Variants in ZNF462 observed in about 807,000 individuals in gnomAD.
ZNF462 encodes zinc finger protein 462, also known as zinc finger PBX1-interacting protein.
ZNF462 carries 10 observed loss-of-function variants against 201.9 expected under a neutral mutation model. The ratio of observed to expected loss-of-function variants is 0.05; its 90% CI spans 0.03 to 0.08. The LOEUF is 0.08. Ranked by LOEUF, ZNF462 falls within the 10% of genes least tolerant of loss-of-function variation. The pLI is 1.00. For missense variants in ZNF462, 2,523 were observed against 3,168.3 expected (o/e 0.80, Z 4.89); for synonymous variants, 1,227 against 1,193.3 (o/e 1.03, Z -0.58).
chr9:106,994,879 CCTTT>C (rs1247032576), intron 10 of ZNF462, among the ~76,000 whole-genome samples: 2 of 152,158 alleles, frequency 1.3e-5, no homozygotes, highest in Non-Finnish European at 2.9e-5. Flanking sequence ...TTTTCTCTTT[CCTTT>C]CTTAAGGCAG....
intron 7 of ZNF462, among the ~76,000 whole-genome samples, chr9:106,967,836 A>C (rs1402226186): frequency 6.6e-6 from 1 of 152,094 alleles, no homozygotes; most frequent in African/African-American, 2.4e-5. Context: ...TATTTTGTTT[A>C]TATAAGCATT....
chr9:107,000,862 T>C (rs1829134279), intron 10 of ZNF462, among the ~76,000 whole-genome samples: 1 of 152,076 alleles, frequency 6.6e-6, no homozygotes, highest in African/African-American at 2.4e-5. Context: ...TCTCCTTCTG[T>C]CACCAAGAGC....
intron 1 of ZNF462, among the ~76,000 whole-genome samples, chr9:106,921,463 T>C (rs1350224809): frequency 6.6e-6 from 1 of 152,206 alleles, no homozygotes; most frequent in East Asian, 1.9e-4. Context: ...AGAAGCCATG[T>C]TGTGCACGGA....
At position 106,974,345 on chromosome 9, in the gene ZNF462, C is replaced by G. The variant is rs41277831; in HGVS notation, c.6832+72C>G. 2.5e-6 allele frequency: 4 copies of G among 1,604,596 alleles called. No individual in the cohort carries two copies. The African/African-American group carries it at 4.0e-5, about 16-fold the overall frequency. ...GCAGAGATGGCCTTCTAGGGATGCT[C>G]TCTCAGAGTGGCAGTAGCACCTGTG... On this transcript the variant is annotated intron_variant, in intron 9 of 12. Transcript: ENST00000277225. This position sits in a 1 kb window ranked among gnomAD's most constrained non-coding sequence, Gnocchi z 4.0.
intron 7 of ZNF462, among the ~76,000 whole-genome samples, chr9:106,958,419 T>G (rs892941382): frequency 1.3e-5 from 2 of 152,156 alleles, no homozygotes; most frequent in African/African-American, 4.8e-5. Context: ...GCACTGTAGC[T>G]ACACTGAATA....
chr9:106,960,389 C>T (rs192006587), intron 7 of ZNF462, among the ~76,000 whole-genome samples: 13 of 152,264 alleles, frequency 8.5e-5, no homozygotes, highest in Admixed American at 3.3e-4. Context: ...GCCTTGCCCA[C>T]GGCCTGTGAG....
chr9:106,938,105 G>C lies in ZNF462; in HGVS notation c.6236-811G>C, dbSNP rs1564118185. Among the ~76,000 whole-genome samples the C allele has an allele frequency of 6.6e-6, 1 of 152,122 alleles. No individual in the cohort carries two copies. The highest frequency in any genetic ancestry group is 1.5e-5 in the Non-Finnish European group (1 of 68,020). On this transcript the variant is annotated intron_variant, in intron 6 of 12. Coordinates refer to ENST00000277225, the MANE Select transcript of ZNF462 (RefSeq NM_021224.6). This position sits in a 1 kb window ranked among gnomAD's most constrained non-coding sequence, Gnocchi z 4.4. ...AATTTAACAGGTAATATATGGCGAA[G>C]GTAAATCACACTTTAACTTAATTTG...
chr9:106,909,539 A>T (rs970401793), intron 1 of ZNF462, among the ~76,000 whole-genome samples: 18 of 152,184 alleles, frequency 1.2e-4, no homozygotes, highest in African/African-American at 3.9e-4. Flanking sequence ...AGTTACTTAC[A>T]TGCTGCATTC....
chr9:106,870,805 G>A lies in ZNF462; in HGVS notation c.-31+7450G>A, dbSNP rs562260873. 6.6e-6 allele frequency among the ~76,000 whole-genome samples: 1 copy of A among 152,308 alleles called. No homozygotes were observed. Among genetic ancestry groups the A allele is most frequent in the South Asian group, 2.1e-4 (1 of 4,820 alleles). On this transcript the variant is annotated intron_variant, in intron 1 of 12. Transcript: ENST00000277225. This position sits in a 1 kb window ranked among gnomAD's most constrained non-coding sequence, Gnocchi z 4.3. ...GCCCAGGATTTGTGGAGAGAGCTTA[G>A]CCGCCACAGAGCCCAGCTGGGGAAG...
At chr9:106,916,529 C>CGT (rs1829781401) in intron 1 of ZNF462, among the ~76,000 whole-genome samples, 1 of 152,146 alleles carries the variant, frequency 6.6e-6, no homozygotes, top group Non-Finnish European at 1.5e-5. Flanking sequence ...AAAGCAACAC[C>CGT]GTGATTTTCT....
chr9:107,008,134 C>T lies in ZNF462; in HGVS notation c.7190-1411C>T, dbSNP rs1419810055. 6.6e-6 allele frequency among the ~76,000 whole-genome samples: 1 copy of T among 152,032 alleles called. No individual in the cohort carries two copies. Among genetic ancestry groups the T allele is most frequent in the Non-Finnish European group, 1.5e-5 (1 of 68,000 alleles). ...ATTAACCCAAGCAGAATCCTCCCCA[C>T]CCCCCTCTCATTATGCAGTTGGGGA... On this transcript the variant is annotated intron_variant, in intron 11 of 12. Coordinates refer to ENST00000277225, the MANE Select transcript of ZNF462 (RefSeq NM_021224.6). This position sits in a 1 kb window ranked among gnomAD's most constrained non-coding sequence, Gnocchi z 4.8.
Position 106,923,571 on chromosome 9 carries a change from A to T in ZNF462, c.188A>T (p.Lys63Met). Residue 63 changes from lysine to methionine, a missense_variant, in exon 2 of 13, where the codon AAG (lysine) becomes ATG (methionine). Coordinates refer to ENST00000277225, the MANE Select transcript of ZNF462 (RefSeq NM_021224.6). This position sits in a 1 kb window ranked among gnomAD's most constrained non-coding sequence, Gnocchi z 5.6. The stretch of plus-strand genomic sequence containing the variant: ...ACAGAGGTGGAGTTTTCTTCTATAA[A>T]GGATGAATTTGCCATTGCAGAAGAT... ...NQTEVEFSSIKDEFAIAEDLS... is the reference protein window; with the variant it reads ...NQTEVEFSSIMDEFAIAEDLS... 1 of 1,614,244 alleles carries T rather than the reference A, an allele frequency of 6.2e-7. No individual in the cohort carries two copies. Among genetic ancestry groups the T allele is most frequent in the Non-Finnish European group, 8.5e-7 (1 of 1,180,050 alleles).
intron 5 of ZNF462, among the ~76,000 whole-genome samples, chr9:106,934,262 G>C (rs1169319621): frequency 6.7e-6 from 1 of 149,700 alleles, no homozygotes; most frequent in Non-Finnish European, 1.5e-5. Flanking sequence ...TTTTATCCCA[G>C]GTAGTCTGAC....
At chr9:106,864,039 G>GCGCTCTCTCTCT (rs1564062266) in intron 1 of ZNF462, among the ~76,000 whole-genome samples, 5 of 22,760 alleles carry the variant, frequency 2.2e-4, no homozygotes, top group South Asian at 1.6e-3. Context: ...CAGGTATTTG[G>GCGCTCTCTCTCT]CTCTCTCTCT....
chr9:107,012,439 C>CTTTTTTTTTT lies in ZNF462; in HGVS notation c.*1425_*1434dup, dbSNP rs962253808. Reference sequence around the variant, plus strand: ...GCCTGGAGAACTACTTTCTTTCTTTCTTTTTTTTTTTTTTTTTTTTTTTTT... The same window carrying CTTTTTTTTTT: ...GCCTGGAGAACTACTTTCTTTCTTTCTTTTTTTTTTTTTTTTTTTTTTTTTTTTTTTTTTT... On this transcript the variant is annotated 3_prime_UTR_variant, in exon 13 of 13. Coordinates refer to ENST00000277225, the MANE Select transcript of ZNF462 (RefSeq NM_021224.6). 2.4e-4 allele frequency: 21 copies of CTTTTTTTTTT among 86,290 alleles called. 1 individual carries two copies. Among genetic ancestry groups the CTTTTTTTTTT allele is most frequent in the South Asian group, 8.9e-4 (2 of 2,250 alleles). The allele number at this position is 86,290 out of a possible 1,614,324, so 5.3% of individuals were successfully genotyped here.
At chr9:106,980,754 A>G (rs546117960) in intron 9 of ZNF462, among the ~76,000 whole-genome samples, 11 of 152,338 alleles carry the variant, frequency 7.2e-5, no homozygotes, top group African/African-American at 2.6e-4. Context: ...TGGTGAAGTC[A>G]TAATATTTTT....
rs1830128291 is a variant in ZNF462, at chr9:106,924,894, A to G, written c.982A>G (p.Ile328Val). The part of the protein sequence containing the change: ...SNFRGSMGNS[I>V]MRPNSSASKF... ...CTTCAGGGGCTCCATGGGCAACTCC[A>G]TCATGAGACCCAATTCTTCAGCTTC... The change falls in exon 3 of 13, where the codon ATC (isoleucine) becomes GTC (valine). Residue 328 changes from isoleucine to valine, a missense_variant. Ile to Val is a conservative substitution (Grantham distance 29, BLOSUM62 3). Around this residue, in one of 15 missense-constraint regions of ZNF462, gnomAD observed 480 missense variants for 544.4 expected, o/e 0.88. Transcript: ENST00000277225. This position sits in a 1 kb window ranked among gnomAD's most constrained non-coding sequence, Gnocchi z 6.2. 5.6e-6 allele frequency: 9 copies of G among 1,614,090 alleles called. No homozygotes were observed. The highest frequency in any genetic ancestry group is 3.3e-5 in the Admixed American group (2 of 60,004).
At chr9:106,896,173 AC>A (rs1426147245) in intron 1 of ZNF462, among the ~76,000 whole-genome samples, 2 of 152,118 alleles carry the variant, frequency 1.3e-5, no homozygotes, top group Non-Finnish European at 2.9e-5. Flanking sequence ...ATGAGAAAGA[AC>A]ATGCCTTATA....
rs1047671059 is a variant in ZNF462, at chr9:106,913,786, G to A, written c.-30-9568G>A. On this transcript the variant is annotated intron_variant, in intron 1 of 12. Coordinates refer to ENST00000277225, the MANE Select transcript of ZNF462 (RefSeq NM_021224.6). The surrounding 1 kb of genome is among the most constrained non-coding windows in gnomAD (Gnocchi z 4.1). ...CTAATTTTTGTGTGTGTTTTTAATAGAGAAGAGGTTTTACCATGTTGGCTA... is the reference window on the plus strand; with the variant it reads ...CTAATTTTTGTGTGTGTTTTTAATAAAGAAGAGGTTTTACCATGTTGGCTA... Among the ~76,000 whole-genome samples, 9 of 150,356 alleles carry A rather than the reference G, an allele frequency of 6.0e-5. No homozygotes were observed. Among genetic ancestry groups the A allele is most frequent in the African/African-American group, 2.2e-4 (9 of 41,326 alleles).
Sources: gnomAD v4.1 joint callset for allele counts (sites outside exome capture counted in the v4.1 genomes callset) on GRCh38, gnomAD v4.1.1 for gene constraint, gnomAD v4.1.1 regional missense constraint, Gnocchi (gnomAD v3.1) non-coding constraint, MANE v1.5 for transcripts, NCBI Gene and HGNC (gene_info 2026-07-23, HGNC 2026-07-21) for gene names.